TASOR2: variants seen among roughly 807,000 people sequenced by gnomAD.
TASOR2 encodes the protein protein TASOR 2.
TASOR2 carries 84 observed loss-of-function variants against 199.5 expected under a neutral mutation model. That is an observed-to-expected ratio of 0.42 (90% CI 0.35 to 0.50). TASOR2 has a LOEUF of 0.50. Ranked by LOEUF, TASOR2 falls within the 20% of genes least tolerant of loss-of-function variation. TASOR2 has a pLI of 0.02. For missense variants in TASOR2, 2,796 were observed against 2,835.9 expected (o/e 0.99, Z 0.32); for synonymous variants, 1,103 against 1,046.6 (o/e 1.05, Z -1.04).
chr10:5,688,217 G>A (rs1836003061), intron 1 of TASOR2, among the ~76,000 whole-genome samples: 1 of 151,876 alleles, frequency 6.6e-6, no homozygotes, highest in Non-Finnish European at 1.5e-5. Context: ...TAACAGTTTT[G>A]TGTTTTTGTT....
rs1334984605 is a variant in TASOR2 at position 5,748,064 on chromosome 10, C to T, written c.4643C>T (p.Ser1548Leu). The T allele has an allele frequency of 2.5e-6, 4 of 1,614,194 alleles. No homozygotes were observed. Among genetic ancestry groups the T allele is most frequent in the South Asian group, 1.1e-5 (1 of 91,082 alleles). ...CCTTCTCCTGAAAAACTGGTAAAAT[C>T]AGGAAATCCATTGCAGCCAGTTAGT... The change falls in exon 15 of 21, where the codon TCA becomes TTA. Residue 1548 changes from serine (S) to leucine (L), a missense_variant. Physicochemically the swap from Ser to Leu is moderately radical, Grantham distance 145 (BLOSUM62 -2). Coordinates refer to ENST00000328090, the Ensembl canonical transcript of TASOR2. This position sits in a 1 kb window ranked among gnomAD's most constrained non-coding sequence, Gnocchi z 5.1.
At chr10:5,727,026 CT>C (rs762023201) in intron 9 of TASOR2, 34 bp from the exon 11 acceptor site, 1 of 1,613,588 alleles carries the variant, frequency 6.2e-7, no homozygotes, top group South Asian at 1.1e-5. Flanking sequence ...GATCAACAAC[CT>C]AACTTTTCTT....
At chr10:5,744,183 T>C (rs1836829154) in intron 14 of TASOR2, 1 of 152,256 alleles carries the variant, frequency 6.6e-6, no homozygotes, top group Non-Finnish European at 1.5e-5. Flanking sequence ...ACCAGCCACA[T>C]GATTGGGAGG....
rs1837951231 is a variant in TASOR2 at position 5,750,921 on chromosome 10, G to A, written c.6606+894G>A. Among the ~76,000 whole-genome samples the A allele has an allele frequency of 6.6e-6, 1 of 152,202 alleles. No individual in the cohort carries two copies. The highest frequency in any genetic ancestry group is 1.5e-5 in the Non-Finnish European group (1 of 68,034). ...ATTGTCATGTCTTCAGTCTGCAATA[G>A]TTCCTCTGTTATTCCTTGTCTTTTA... On this transcript the variant is annotated intron_variant, in intron 15 of 20. Coordinates refer to ENST00000328090, the Ensembl canonical transcript of TASOR2. This position sits in a 1 kb window ranked among gnomAD's most constrained non-coding sequence, Gnocchi z 5.4.
chr10:5,732,172 A>G (rs1834910122), intron 11 of TASOR2, among the ~76,000 whole-genome samples: 2 of 152,274 alleles, frequency 1.3e-5, no homozygotes, highest in Non-Finnish European at 1.5e-5. Context: ...TTCAGTGAAC[A>G]TAGGACAGCA....
intron 1 of TASOR2, among the ~76,000 whole-genome samples, chr10:5,707,461 C>T (rs1403544577): frequency 6.6e-6 from 1 of 152,076 alleles, no homozygotes; most frequent in East Asian, 1.9e-4. Context: ...CCAGGCAACA[C>T]ATCTTCAGAC....
At chr10:5,703,772 G>T (rs1002503587) in intron 1 of TASOR2, among the ~76,000 whole-genome samples, 1 of 152,018 alleles carries the variant, frequency 6.6e-6, no homozygotes, top group Non-Finnish European at 1.5e-5. Context: ...CAAAGTGCGG[G>T]ATTACAGGCG....
chr10:5,691,437 G>A (rs1452444528), intron 1 of TASOR2, among the ~76,000 whole-genome samples: 1 of 151,960 alleles, frequency 6.6e-6, no homozygotes, highest in Non-Finnish European at 1.5e-5. Context: ...GTACATAGGT[G>A]TAATACACTT....
chr10:5,723,010 A>G (rs1464417003), intron 6 of TASOR2, among the ~76,000 whole-genome samples: 4 of 148,958 alleles, frequency 2.7e-5, no homozygotes, highest in Non-Finnish European at 4.5e-5. Flanking sequence ...TCCATCTCAC[A>G]CACAAAAAAA....
chr10:5,714,609 T>G (rs1832366727), intron 2 of TASOR2: 1 of 148,816 alleles, frequency 6.7e-6, no homozygotes, highest in South Asian at 2.2e-4. Flanking sequence ...GTAGAGAAGC[T>G]GATGAGTTAA....
At position 5,740,626 on chromosome 10, in the gene TASOR2, GA is replaced by G; in HGVS notation, c.2327+130del. The G allele has an allele frequency of 2.1e-6, 2 of 967,998 alleles. No individual in the cohort carries two copies. Among genetic ancestry groups the G allele is most frequent in the South Asian group, 3.5e-5 (2 of 57,482 alleles). 60.0% of individuals were successfully genotyped at this position (967,998 alleles called of 1,614,324 possible). The stretch of plus-strand genomic sequence containing the variant: ...GTGTTGTGTTTAAAACCAGTAATTT[GA>G]TAATAACATCAAGCAAACATGTTTC... On this transcript the variant is annotated intron_variant, in intron 13 of 20. Transcript: ENST00000328090. The surrounding 1 kb of genome is among the most constrained non-coding windows in gnomAD (Gnocchi z 5.3).
intron 14 of TASOR2, among the ~76,000 whole-genome samples, chr10:5,745,892 T>A (rs1344674378): frequency 6.6e-6 from 1 of 152,168 alleles, no homozygotes; most frequent in African/African-American, 2.4e-5. Flanking sequence ...TTTAAAGTCT[T>A]TTAAATTGTC....
At chr10:5,749,889 C>G (rs766434090) in exon 15 of TASOR2, 1 of 1,614,168 alleles carries the variant, frequency 6.2e-7, no homozygotes, top group East Asian at 2.2e-5. Context: ...GACGGTCAGC[C>G]TCCTATGAAG....
intron 19 of TASOR2, 186 bp downstream of exon 20, chr10:5,761,657 C>G (rs1432588152): frequency 3.4e-6 from 2 of 592,244 alleles, no homozygotes; most frequent in African/African-American, 1.9e-5. Context: ...GGTAACTACA[C>G]AATCCTCCTA....
Position 5,737,478 on chromosome 10 carries a change from C to T in TASOR2, c.1447+1932C>T, listed in dbSNP as rs1034869560. On this transcript the variant is annotated intron_variant, in intron 12 of 20. Transcript: ENST00000328090. This position sits in a 1 kb window ranked among gnomAD's most constrained non-coding sequence, Gnocchi z 4.9. ...AGTTTATGGTGTGGCTGTACCTCCC[C>T]TCTCTGCGTTGTGCCTCTGCTGTTG... 6.6e-6 allele frequency among the ~76,000 whole-genome samples: 1 copy of T among 151,792 alleles called. No individual in the cohort carries two copies. Among genetic ancestry groups the T allele is most frequent in the Non-Finnish European group, 1.5e-5 (1 of 67,994 alleles).
At chr10:5,746,088 T>A in intron 14 of TASOR2, 91 bp from the exon 16 acceptor site, 2 of 1,349,126 alleles carry the variant, frequency 1.5e-6, no homozygotes, top group South Asian at 1.8e-5. Flanking sequence ...AAATTAATTT[T>A]TATCTTTTCT....
At chr10:5,761,492 A>G in intron 19 of TASOR2, 21 bp downstream of exon 20, 1 of 1,603,662 alleles carries the variant, frequency 6.2e-7, no homozygotes, top group Non-Finnish European at 8.5e-7. Context: ...GGCGCATTTT[A>G]CTCAGTTAAT....
exon 15 of TASOR2, chr10:5,746,738 G>T (rs200018157): frequency 1.9e-6 from 3 of 1,613,976 alleles, no homozygotes; most frequent in East Asian, 2.2e-5. Context: ...CGAACACAAG[G>T]CCTGAGGGAC....
chr10:5,712,679 G>A, intron 1 of TASOR2, 144 bp from the exon 2 acceptor site: 3 of 791,250 alleles, frequency 3.8e-6, no homozygotes, highest in Non-Finnish European at 5.1e-6. Flanking sequence ...TCACTTGGAA[G>A]GTAATTATTC....
Sources: gnomAD v4.1 joint callset for allele counts (sites outside exome capture counted in the v4.1 genomes callset) on GRCh38, gnomAD v4.1.1 for gene constraint, Gnocchi (gnomAD v3.1) non-coding constraint, MANE v1.5 for transcripts, NCBI Gene and HGNC (gene_info 2026-07-23, HGNC 2026-07-21) for gene names.